The following LARP1B variants were observed in gnomAD, a reference collection of about 807,000 sequenced individuals.
LARP1B encodes the protein La ribonucleoprotein 1B, also known as la-related protein 1B.
LARP1B carries 76 observed loss-of-function variants against 114.2 expected under a neutral mutation model. That is an observed-to-expected ratio of 0.67 (90% CI 0.55 to 0.81). The LOEUF is 0.81. Among genes scored for constraint, LARP1B ranks in the 30% least tolerant of loss-of-function variants. LARP1B has a pLI of 0.00. For missense variants in LARP1B, 1,014 were observed against 1,075.8 expected (o/e 0.94, Z 0.80); for synonymous variants, 345 against 348.0 (o/e 0.99, Z 0.10).
intron 11 of LARP1B, among the ~76,000 whole-genome samples, chr4:128,142,927 ACT>A (rs1351454864): frequency 6.6e-6 from 1 of 151,964 alleles, no homozygotes; most frequent in Non-Finnish European, 1.5e-5. Context: ...AACTGTAGTC[ACT>A]CTCTCTTTAG....
At chr4:128,205,471 A>G (rs1429386781) in intron 17 of LARP1B, among the ~76,000 whole-genome samples, 1 of 152,168 alleles carries the variant, frequency 6.6e-6, no homozygotes, top group Non-Finnish European at 1.5e-5. Context: ...TAGTTTGCTG[A>G]TCTACTGAGC....
At chr4:128,155,831 A>G in intron 11 of LARP1B, 2 of 1,580,178 alleles carry the variant, frequency 1.3e-6, no homozygotes, top group Non-Finnish European at 1.7e-6. Context: ...TCAGGGCTGC[A>G]GCGAGAGATC....
At chr4:128,195,597 A>G (rs1273080324) in intron 15 of LARP1B, among the ~76,000 whole-genome samples, 1 of 152,198 alleles carries the variant, frequency 6.6e-6, no homozygotes, top group Admixed American at 6.5e-5. Flanking sequence ...AATGTAAAGA[A>G]CTTCTCAGTA....
intron 12 of LARP1B, among the ~76,000 whole-genome samples, chr4:128,171,621 C>T (rs1241176964): frequency 1.3e-5 from 2 of 152,110 alleles, no homozygotes; most frequent in African/African-American, 2.4e-5. Flanking sequence ...TGTGATGTTT[C>T]AGGTTTCCTT....
chr4:128,088,129 A>G (rs916630329), intron 5 of LARP1B, among the ~76,000 whole-genome samples: 5 of 152,020 alleles, frequency 3.3e-5, no homozygotes, highest in African/African-American at 1.2e-4. Flanking sequence ...CAAGAGTTCC[A>G]GGCTGCAGTG....
At chr4:128,065,332 TTTC>T (rs57988740) in intron 1 of LARP1B, among the ~76,000 whole-genome samples, 1,827 of 94,582 alleles carry the variant, frequency 0.019, 31 homozygotes, top group African/African-American at 0.048. Context: ...TCTCTCTCTC[TTTC>T]CTTTCTTTTC....
At chr4:128,206,265 C>G (rs1389685305) in intron 17 of LARP1B, among the ~76,000 whole-genome samples, 163 bp from the exon 18 acceptor site, 6 of 152,170 alleles carry the variant, frequency 3.9e-5, no homozygotes, top group Non-Finnish European at 8.8e-5. Context: ...GCACTCCAGC[C>G]TGAGCAACAA....
chr4:128,100,331 G>C (rs1350815753), intron 8 of LARP1B, among the ~76,000 whole-genome samples: 1 of 151,082 alleles, frequency 6.6e-6, no homozygotes, highest in Non-Finnish European at 1.5e-5. Flanking sequence ...GGAGTGTTCT[G>C]GTGCGATCTT....
At chr4:128,083,633 ACCTC>A (rs1277673578) in intron 5 of LARP1B, among the ~76,000 whole-genome samples, 5 of 80,014 alleles carry the variant, frequency 6.2e-5, no homozygotes, top group African/African-American at 1.9e-4. Flanking sequence ...TGACCCCCCC[ACCTC>A]CCTCCCGGAC....
intron 1 of LARP1B, chr4:128,069,384 C>T (rs979846340): frequency 2.6e-6 from 2 of 765,014 alleles, no homozygotes; most frequent in Non-Finnish European, 4.8e-6. Context: ...GACAGGCTTG[C>T]CATAAGTTGC....
intron 1 of LARP1B, among the ~76,000 whole-genome samples, chr4:128,072,828 G>T (rs1393296865): frequency 6.6e-6 from 1 of 152,076 alleles, no homozygotes; most frequent in Non-Finnish European, 1.5e-5. Context: ...AAGCTGTTTG[G>T]ATTACAGGTG....
At chr4:128,068,474 C>T (rs1440440224) in intron 1 of LARP1B, among the ~76,000 whole-genome samples, 3 of 152,140 alleles carry the variant, frequency 2.0e-5, no homozygotes, top group African/African-American at 7.2e-5. Flanking sequence ...GCATGTGCCA[C>T]CATGCCTGGC....
intron 15 of LARP1B, among the ~76,000 whole-genome samples, chr4:128,180,133 A>C (rs1221898552): frequency 6.6e-6 from 1 of 152,108 alleles, no homozygotes; most frequent in Non-Finnish European, 1.5e-5. Flanking sequence ...TAAAATAAAA[A>C]TAGAGACAGA....
At chr4:128,116,649 G>C (rs1228788539) in intron 10 of LARP1B, among the ~76,000 whole-genome samples, 1 of 152,126 alleles carries the variant, frequency 6.6e-6, no homozygotes, top group Non-Finnish European at 1.5e-5. Flanking sequence ...TGAGGATCTG[G>C]CCTGGAGGAA....
chr4:128,122,866 C>G, intron 11 of LARP1B: 1 of 1,019,824 alleles, frequency 9.8e-7, no homozygotes, highest in Non-Finnish European at 1.2e-6. Context: ...TATCAGGTAT[C>G]TGCATTCCTT....
intron 5 of LARP1B, among the ~76,000 whole-genome samples, chr4:128,085,244 T>C (rs764426321): frequency 6.6e-6 from 1 of 152,194 alleles, no homozygotes; most frequent in Non-Finnish European, 1.5e-5. Context: ...TTCAGCTTTT[T>C]TGTTTAATTT....
At chr4:128,105,862 G>C (rs1232726387) in intron 8 of LARP1B, among the ~76,000 whole-genome samples, 2 of 152,078 alleles carry the variant, frequency 1.3e-5, no homozygotes, top group Admixed American at 1.3e-4. Context: ...CTGCACTGTA[G>C]CCTGGGTGAC....
intron 4 of LARP1B, among the ~76,000 whole-genome samples, chr4:128,081,036 C>G (rs1770136154): frequency 6.6e-6 from 1 of 151,348 alleles, no homozygotes; most frequent in East Asian, 1.9e-4. Flanking sequence ...TTTAAAAAAG[C>G]CTAAGAATCA....
At chr4:128,083,449 A>AC (rs1370615262) in intron 5 of LARP1B, among the ~76,000 whole-genome samples, 50 of 127,164 alleles carry the variant, frequency 3.9e-4, no homozygotes, top group African/African-American at 5.5e-4. Context: ...CAGGGGGCTG[A>AC]CCCCCCCCAC....
Sources: gnomAD v4.1 joint callset for allele counts (sites outside exome capture counted in the v4.1 genomes callset) on GRCh38, gnomAD v4.1.1 for gene constraint, MANE v1.5 for transcripts, NCBI Gene and HGNC (gene_info 2026-07-23, HGNC 2026-07-21) for gene names.